KANK4: variants seen among roughly 807,000 people sequenced by gnomAD.
The protein encoded by KANK4 is KN motif and ankyrin repeat domain-containing protein 4.
Under a neutral mutation model 80.8 loss-of-function variants are expected in KANK4, and 50 were observed. The ratio of observed to expected loss-of-function variants is 0.62; its 90% CI spans 0.49 to 0.78. The LOEUF (loss-of-function observed/expected upper bound fraction) is 0.78, where lower values mean the gene tolerates loss of function less well. Among genes scored for constraint, KANK4 ranks in the 30% least tolerant of loss-of-function variants. KANK4 has a pLI of 0.00. For missense variants in KANK4, 1,196 were observed against 1,240.1 expected, an observed-to-expected ratio of 0.96 and a Z score of 0.53; for synonymous variants, 465 against 506.9, an observed-to-expected ratio of 0.92 and a Z score of 1.11.
chr1:62,297,381 T>C (rs924616352), intron 1 of KANK4, among the ~76,000 whole-genome samples: 1 of 152,228 alleles, frequency 6.6e-6, no homozygotes, highest in Non-Finnish European at 1.5e-5. Context: ...GTAGGTGCTA[T>C]TATATCCTTT....
intron 8 of KANK4, 106 bp from the exon 9 acceptor site, chr1:62,247,778 G>C: frequency 2.3e-6 from 2 of 888,018 alleles, no homozygotes; most frequent in Non-Finnish European, 3.6e-6. Context: ...CACAACCACT[G>C]ATTTGAATCT....
chr1:62,274,630 C>T lies in KANK4; in HGVS notation c.474G>A (p.Gln158=). The T allele has an allele frequency of 5.6e-6, 9 of 1,614,182 alleles. No homozygotes were observed. The highest frequency in any genetic ancestry group is 7.6e-6 in the Non-Finnish European group (9 of 1,180,024). ...CAGGCATGCTGGATGCTCTCAAGAG[C>T]TGGGGCCGTCCACTCCCAAAAGTGA... The part of the protein sequence containing the change: ...AELTFGSGRP[Q]LLRASSMPAT... The change falls in exon 3 of 10, where the codon CAG becomes CAA. Residue 158 remains glutamine, a synonymous_variant. Transcript: ENST00000371153.
intron 1 of KANK4, among the ~76,000 whole-genome samples, chr1:62,284,117 C>G (rs1361958945): frequency 6.6e-6 from 1 of 152,150 alleles, no homozygotes; most frequent in African/African-American, 2.4e-5. Context: ...CCAGCCCCGA[C>G]TCCCACCCCC....
At position 62,273,791 on chromosome 1, in the gene KANK4, C is replaced by A. The variant is rs776376754; in HGVS notation, c.1313G>T (p.Gly438Val). The A allele has an allele frequency of 5.6e-6, 9 of 1,614,106 alleles. No homozygotes were observed. Among genetic ancestry groups the A allele is most frequent in the Non-Finnish European group, 7.6e-6 (9 of 1,180,020 alleles). Residue 438 changes from glycine to valine, a missense_variant, in exon 3 of 10, where the codon GGC (glycine) becomes GTC (valine). Physicochemically the swap from Gly to Val is moderately radical, Grantham distance 109. Coordinates refer to ENST00000371153, the MANE Select transcript of KANK4 (RefSeq NM_181712.5). ...CDKGIEVNLLGSMESESWGHR... is the reference protein window; with the variant it reads ...CDKGIEVNLLVSMESESWGHR... ...CCCCCAGCTTTCAGACTCCATGCTG[C>A]CTAGAAGGTTGACTTCAATGCCCTT...
At chr1:62,292,921 G>A (rs574294477) in intron 1 of KANK4, among the ~76,000 whole-genome samples, 2 of 152,228 alleles carry the variant, frequency 1.3e-5, no homozygotes, top group South Asian at 4.2e-4. Context: ...CTTTGTCACT[G>A]GATAATTGCC....
At chr1:62,308,287 G>C (rs904167125) in intron 1 of KANK4, among the ~76,000 whole-genome samples, 1 of 152,184 alleles carries the variant, frequency 6.6e-6, no homozygotes, top group African/African-American at 2.4e-5. Flanking sequence ...GCTCACACAG[G>C]CGCCTGCATG....
intron 8 of KANK4, among the ~76,000 whole-genome samples, chr1:62,248,287 C>T (rs944131569): frequency 3.9e-5 from 6 of 152,160 alleles, no homozygotes; most frequent in Admixed American, 3.9e-4. Flanking sequence ...AGCAATGAGC[C>T]GGAATCAGAA....
intron 7 of KANK4, among the ~76,000 whole-genome samples, chr1:62,261,447 A>C (rs529044626): frequency 8.0e-4 from 121 of 151,782 alleles, no homozygotes; most frequent in Middle Eastern, 3.4e-3. Flanking sequence ...GGCGTGAGCC[A>C]CCATGCCTGA....
rs1336298491 is a variant in KANK4 at position 62,254,428 on chromosome 1, G to C, written c.2540-1219C>G. 2.2e-5 allele frequency among the ~76,000 whole-genome samples: 3 copies of C among 135,436 alleles called. 1 individual carries two copies. The East Asian group carries it at 1.0e-3, about 45-fold the overall frequency. The allele number at this position is 135,436 out of a possible 152,430, so 88.9% of individuals were successfully genotyped here. A position where few individuals can be genotyped will look rare whatever the true frequency, so the allele number is the denominator to read the frequency against. On this transcript the variant is annotated intron_variant, in intron 7 of 9. Transcript: ENST00000371153. ...GGCTAATTTTTGTATTTTTAGTAGA[G>C]ACAGAGTTTCACTGTATTGGCCAGT...
chr1:62,268,298 G>T lies in KANK4; in HGVS notation c.2220C>A (p.Ser740=), dbSNP rs1672074975. Residue 740 remains serine, a synonymous_variant, in exon 5 of 10, where the codon TCC becomes TCA. Coordinates refer to ENST00000371153, the MANE Select transcript of KANK4 (RefSeq NM_181712.5). Reference sequence around the variant, plus strand: ...GTCCATTTGCTCACCTCTCGGCCTTGGAGTGGGGGACTTCTTCCCCAGGCC... The same window carrying T: ...GTCCATTTGCTCACCTCTCGGCCTTTGAGTGGGGGACTTCTTCCCCAGGCC... ...ESGPGEEVPH[S]KAERYKPSEE... 1 of 1,613,550 alleles carries T rather than the reference G, an allele frequency of 6.2e-7. No homozygotes were observed. Among genetic ancestry groups the T allele is most frequent in the Non-Finnish European group, 8.5e-7 (1 of 1,179,866 alleles).
chr1:62,273,365 T>C lies in KANK4; in HGVS notation c.1739A>G (p.His580Arg), dbSNP rs1167646918. ...GGCGCTGGCCAGCTCCGGGTACCCA[T>C]GCTCCAGGCAGTTCCACTGCTCCTG... is the stretch of plus-strand genomic sequence containing the variant. Reference protein sequence around the residue: ...LLQEQWNCLEHGYPELASAIK... With the variant: ...LLQEQWNCLERGYPELASAIK... The change falls in exon 3 of 10, where the codon CAT becomes CGT. Residue 580 changes from histidine (H) to arginine (R), a missense_variant. This residue lies in a region of KANK4 where 1,154 missense variants were observed against 1,179.6 expected (regional missense o/e 0.98). Transcript: ENST00000371153. The C allele has an allele frequency of 8.7e-6, 14 of 1,607,868 alleles. No individual in the cohort carries two copies. The highest frequency in any genetic ancestry group is 1.1e-5 in the Non-Finnish European group (13 of 1,175,298).
chr1:62,264,211 A>G (rs1208750883), intron 6 of KANK4, among the ~76,000 whole-genome samples: 3 of 152,120 alleles, frequency 2.0e-5, no homozygotes, highest in Non-Finnish European at 2.9e-5. Context: ...TGAGGTTGGG[A>G]GTTCAAGACC....
chr1:62,244,183 T>C (rs1159924961), intron 9 of KANK4, among the ~76,000 whole-genome samples: 1 of 151,370 alleles, frequency 6.6e-6, no homozygotes, highest in East Asian at 1.9e-4. Context: ...TTCAAACTCA[T>C]GAGTGTTTAT....
At chr1:62,290,676 A>G (rs1672660387) in intron 1 of KANK4, among the ~76,000 whole-genome samples, 1 of 152,214 alleles carries the variant, frequency 6.6e-6, no homozygotes, top group South Asian at 2.1e-4. Context: ...GAATTCAATA[A>G]AAACGTGTTG....
At chr1:62,294,465 T>C (rs1166442572) in intron 1 of KANK4, among the ~76,000 whole-genome samples, 1 of 152,234 alleles carries the variant, frequency 6.6e-6, no homozygotes, top group Non-Finnish European at 1.5e-5. Context: ...CAGATGCCTC[T>C]GCAGGCATCA....
intron 1 of KANK4, among the ~76,000 whole-genome samples, chr1:62,289,399 G>A (rs1384783527): frequency 1.3e-5 from 2 of 152,074 alleles, no homozygotes; most frequent in East Asian, 1.9e-4. Flanking sequence ...TTAGAAAAAT[G>A]TTTTTTTCAA....
chr1:62,275,300 C>G (rs1672283404), intron 2 of KANK4, among the ~76,000 whole-genome samples: 2 of 152,114 alleles, frequency 1.3e-5, no homozygotes, highest in Admixed American at 1.3e-4. Context: ...CCAATGTCTG[C>G]AAGGAAACAG....
At chr1:62,259,781 A>G (rs1671835611) in intron 7 of KANK4, among the ~76,000 whole-genome samples, 1 of 149,038 alleles carries the variant, frequency 6.7e-6, no homozygotes, top group Non-Finnish European at 1.5e-5. Flanking sequence ...TATAATTAAT[A>G]TAATTTATAA....
chr1:62,238,847 C>G (rs1671272629), intron 9 of KANK4, among the ~76,000 whole-genome samples: 1 of 152,064 alleles, frequency 6.6e-6, no homozygotes, highest in African/African-American at 2.4e-5. Context: ...CCAGGCTGGT[C>G]TCAAACTCCT....
Sources: allele counts gnomAD v4.1 joint callset (sites outside exome capture counted in the v4.1 genomes callset), GRCh38; gene constraint gnomAD v4.1.1; regional missense constraint gnomAD v4.1.1; transcripts MANE v1.5; gene names NCBI Gene and HGNC (gene_info 2026-07-23, HGNC 2026-07-21).